Variants in MME observed in about 807,000 individuals in gnomAD.
MME encodes membrane metalloendopeptidase, also known as neprilysin.
In MME, 98 loss-of-function variants were observed where a neutral mutation model predicts 113.2. The observed-to-expected ratio is 0.87, with a 90% CI of 0.74 to 1.02. The LOEUF (loss-of-function observed/expected upper bound fraction) is 1.02, where lower values mean the gene tolerates loss of function less well. Among genes scored for constraint, MME ranks in the 50% least tolerant of loss-of-function variants. The pLI, the probability that MME is intolerant of heterozygous loss-of-function variation, is 0.00. For missense variants in MME, 836 were observed against 896.0 expected, an observed-to-expected ratio of 0.93 and a Z score of 0.86; for synonymous variants, 292 against 300.6, an observed-to-expected ratio of 0.97 and a Z score of 0.30.
rs1239335683 is a variant in MME, at chr3:155,182,543, A to G, written c.*2084A>G. ...AAGTATACTTATATTTCCCTAAAAT[A>G]CATTTAAAACTTACCTAAGTGACAT... On this transcript the variant is annotated 3_prime_UTR_variant, in exon 23 of 23. Coordinates refer to ENST00000360490, the MANE Select transcript of MME (RefSeq NM_007289.4). 6.6e-6 allele frequency: 1 copy of G among 152,242 alleles called. No homozygotes were observed. Among genetic ancestry groups the G allele is most frequent in the Non-Finnish European group, 1.5e-5 (1 of 68,042 alleles). The allele number at this position is 152,242 out of a possible 1,614,324, so 9.4% of individuals were successfully genotyped here. A position where few individuals can be genotyped will look rare whatever the true frequency, so the allele number is the denominator to read the frequency against.
intron 3 of MME, among the ~76,000 whole-genome samples, chr3:155,097,882 A>G (rs951993551): frequency 2.0e-5 from 3 of 152,196 alleles, no homozygotes; most frequent in Non-Finnish European, 4.4e-5. Flanking sequence ...TTGAAATGGA[A>G]GGCTATAACT....
intron 22 of MME, among the ~76,000 whole-genome samples, chr3:155,179,867 A>C (rs1186727278): frequency 6.6e-6 from 1 of 152,194 alleles, no homozygotes; most frequent in Admixed American, 6.5e-5. Flanking sequence ...TATAAAAGCA[A>C]CAAAAAATAT....
At chr3:155,055,163 T>C (rs1317602371) in intron 1 of MME, among the ~76,000 whole-genome samples, 3 of 152,048 alleles carry the variant, frequency 2.0e-5, no homozygotes, top group Non-Finnish European at 2.9e-5. Context: ...ATCAAAGAAC[T>C]CAACTGTAAA....
At chr3:155,110,921 A>G (rs1024874780) in intron 3 of MME, among the ~76,000 whole-genome samples, 4 of 152,198 alleles carry the variant, frequency 2.6e-5, no homozygotes, top group Non-Finnish European at 5.9e-5. Context: ...TTCCATGTCA[A>G]TACATTTGCC....
At chr3:155,091,392 A>C (rs1716287812) in intron 3 of MME, among the ~76,000 whole-genome samples, 1 of 152,232 alleles carries the variant, frequency 6.6e-6, no homozygotes, top group Admixed American at 6.5e-5. Flanking sequence ...TTTTTTAATG[A>C]ATGGTCAAGA....
chr3:155,099,693 T>G (rs555464556), intron 3 of MME, among the ~76,000 whole-genome samples: 1 of 152,322 alleles, frequency 6.6e-6, no homozygotes, highest in East Asian at 1.9e-4. Context: ...AATGATGGTT[T>G]CCAGCTTCAT....
At position 155,140,239 on chromosome 3, in the gene MME, A is replaced by G. The variant is rs1559944356; in HGVS notation, c.904A>G (p.Lys302Glu). Residue 302 changes from lysine to glutamate, a missense_variant, in exon 10 of 23, where the codon AAG (lysine) becomes GAG (glutamate). Transcript: ENST00000360490. The part of the protein sequence containing the change: ...DRNDPMLLYN[K>E]MTLAQIQNNF... ...AAATGATCCAATGCTTCTGTATAAC[A>G]AGATGACATTGGCCCAGATCCAAAA... 1 of 1,613,024 alleles carries G rather than the reference A, an allele frequency of 6.2e-7. No individual in the cohort carries two copies. Among genetic ancestry groups the G allele is most frequent in the Non-Finnish European group, 8.5e-7 (1 of 1,179,386 alleles).
chr3:155,155,650 A>T (rs1175032521), intron 16 of MME, among the ~76,000 whole-genome samples: 2 of 152,178 alleles, frequency 1.3e-5, no homozygotes, highest in African/African-American at 2.4e-5. Context: ...CAATAGTCTT[A>T]TGTCAAGTTA....
At chr3:155,165,475 G>A (rs1466702064) in intron 17 of MME, among the ~76,000 whole-genome samples, 1 of 152,096 alleles carries the variant, frequency 6.6e-6, no homozygotes, top group Non-Finnish European at 1.5e-5. Flanking sequence ...GTGGAGAGGT[G>A]GGAGAGGACC....
At chr3:155,035,953 C>T (rs1713114276) in intron 1 of MME, among the ~76,000 whole-genome samples, 1 of 152,138 alleles carries the variant, frequency 6.6e-6, no homozygotes, top group South Asian at 2.1e-4. Context: ...AAATACACCA[C>T]TCAGGAGGGT....
At chr3:155,179,440 A>G (rs373727304) in intron 22 of MME, among the ~76,000 whole-genome samples, 3 of 152,112 alleles carry the variant, frequency 2.0e-5, no homozygotes, top group African/African-American at 7.2e-5. Flanking sequence ...GTTGGAGGAG[A>G]GAGAAGTCCT....
chr3:155,140,350 A>T, intron 10 of MME, 58 bp downstream of exon 10: 1 of 1,050,450 alleles, frequency 9.5e-7, no homozygotes, highest in East Asian at 2.5e-5. Context: ...TATAACATTG[A>T]AATACTCTTT....
chr3:155,119,551 A>G (rs1436816406), intron 8 of MME, among the ~76,000 whole-genome samples: 6 of 116,432 alleles, frequency 5.2e-5, no homozygotes, highest in Non-Finnish European at 8.8e-5. Context: ...ATATCTCCCA[A>G]TGCTATCCCT....
intron 4 of MME, 24 bp downstream of exon 4, chr3:155,115,179 A>G (rs1403404017): frequency 1.2e-6 from 2 of 1,612,504 alleles, no homozygotes; most frequent in Non-Finnish European, 1.7e-6. Flanking sequence ...GTGTCTGTGC[A>G]TCAAAGATTT....
chr3:155,180,595 CA>C lies in MME; in HGVS notation c.*138del. On this transcript the variant is annotated 3_prime_UTR_variant, in exon 23 of 23. Transcript: ENST00000360490. The stretch of plus-strand genomic sequence containing the variant: ...GTGATTAACAGAGAGGGCACCATCA[CA>C]ATACAGATAACATTAGGTTGTCCTA... 1 of 730,568 alleles carries C rather than the reference CA, an allele frequency of 1.4e-6. No homozygotes were observed. Among genetic ancestry groups the C allele is most frequent in the Admixed American group, 2.0e-5 (1 of 50,116 alleles). The allele number at this position is 730,568 out of a possible 1,614,324, so 45.3% of individuals were successfully genotyped here.
intron 1 of MME, among the ~76,000 whole-genome samples, chr3:155,064,273 A>G (rs1714311570): frequency 6.6e-6 from 1 of 152,158 alleles, no homozygotes; most frequent in African/African-American, 2.4e-5. Flanking sequence ...TGGGCAACAG[A>G]GTGAGACTCT....
intron 3 of MME, among the ~76,000 whole-genome samples, chr3:155,113,585 T>G (rs751956251): frequency 9.9e-5 from 15 of 152,200 alleles, no homozygotes; most frequent in Non-Finnish European, 1.8e-4. Flanking sequence ...GTCAAGCCAC[T>G]GACATTTTTC....
At position 155,127,719 on chromosome 3, in the gene MME, A is replaced by G. The variant is rs1004913560; in HGVS notation, c.720+8908A>G. Among the ~76,000 whole-genome samples the G allele has an allele frequency of 3.3e-5, 5 of 152,350 alleles. No individual in the cohort carries two copies. The East Asian group carries it at 7.7e-4, about 24-fold the overall frequency. On this transcript the variant is annotated intron_variant, in intron 8 of 22. Coordinates refer to ENST00000360490, the MANE Select transcript of MME (RefSeq NM_007289.4). ...GGTGATCAAATCTAGAATCAGTAAT[A>G]TGTTTATAGAGTTTATGAGTGAGAA... is the stretch of plus-strand genomic sequence containing the variant.
intron 1 of MME, among the ~76,000 whole-genome samples, chr3:155,039,771 T>G (rs372163669): frequency 1.3e-5 from 2 of 152,126 alleles, no homozygotes; most frequent in African/African-American, 4.8e-5. Context: ...AAAAAGTAAG[T>G]ATAAAATGAA....
Sources: allele counts gnomAD v4.1 joint callset (sites outside exome capture counted in the v4.1 genomes callset), GRCh38; gene constraint gnomAD v4.1.1; transcripts MANE v1.5; gene names NCBI Gene and HGNC (gene_info 2026-07-23, HGNC 2026-07-21).